The following ADTRP variants were observed in gnomAD, a reference collection of about 807,000 sequenced individuals.
The protein encoded by ADTRP is androgen-dependent TFPI-regulating protein.
Under a neutral mutation model 27.0 loss-of-function variants are expected in ADTRP, and 20 were observed. The ratio of observed to expected loss-of-function variants is 0.74; its 90% CI spans 0.52 to 1.08. The LOEUF is 1.08. Among genes scored for constraint, ADTRP ranks in the 50% least tolerant of loss-of-function variants. ADTRP has a pLI of 0.00. For synonymous variants in ADTRP, 101 were observed against 105.2 expected (o/e 0.96, Z 0.25); for missense variants, 251 against 275.0 (o/e 0.91, Z 0.62).
At chr6:11,742,674 T>C (rs2113259742) in intron 3 of ADTRP, among the ~76,000 whole-genome samples, 1 of 152,310 alleles carries the variant, frequency 6.6e-6, no homozygotes, top group Non-Finnish European at 1.5e-5. Context: ...CTCAACAGTG[T>C]CCCCATAACA....
intron 4 of ADTRP, among the ~76,000 whole-genome samples, chr6:11,729,184 C>T (rs17480539): frequency 0.05 from 7,549 of 152,150 alleles, 250 homozygotes; most frequent in Non-Finnish European, 0.052. Context: ...GCATATAATT[C>T]TTTCTTTCGG....
chr6:11,717,267 G>C, intron 5 of ADTRP: 1 of 1,300,588 alleles, frequency 7.7e-7, no homozygotes, highest in Non-Finnish European at 1.0e-6. Context: ...CTGTCAGATA[G>C]TAGCAAGGGC....
chr6:11,760,457 C>T (rs1200608141), intron 3 of ADTRP, among the ~76,000 whole-genome samples: 2 of 152,168 alleles, frequency 1.3e-5, no homozygotes, highest in Admixed American at 6.5e-5. Context: ...CCTCCTAGCT[C>T]ACTGGCACCT....
chr6:11,765,012 T>C (rs1428736489), intron 3 of ADTRP, among the ~76,000 whole-genome samples: 2 of 151,400 alleles, frequency 1.3e-5, no homozygotes, highest in South Asian at 2.1e-4. Flanking sequence ...AGGAGGAGGG[T>C]TCCTGAGAGG....
intron 3 of ADTRP, among the ~76,000 whole-genome samples, chr6:11,754,645 A>G (rs974132804): frequency 1.2e-4 from 18 of 152,238 alleles, no homozygotes; most frequent in African/African-American, 4.3e-4. Flanking sequence ...GACAAATTCA[A>G]ATTTCCAATT....
intron 1 of ADTRP, 63 bp downstream of exon 1, chr6:11,778,544 T>C (rs560842044): frequency 2.0e-6 from 3 of 1,508,670 alleles, no homozygotes; most frequent in African/African-American, 1.4e-5. Context: ...AAAGATGATA[T>C]GTGTGGCAGC....
At chr6:11,745,090 G>A (rs1762825768) in intron 3 of ADTRP, among the ~76,000 whole-genome samples, 1 of 152,130 alleles carries the variant, frequency 6.6e-6, no homozygotes, top group Admixed American at 6.5e-5. Context: ...AAAGGGATGT[G>A]CAGGCTGTTT....
At chr6:11,729,905 T>C (rs373860038) in intron 4 of ADTRP, among the ~76,000 whole-genome samples, 1 of 152,242 alleles carries the variant, frequency 6.6e-6, no homozygotes, top group South Asian at 2.1e-4. Flanking sequence ...TTTAGAATTA[T>C]CCTAATTTTT....
intron 3 of ADTRP, among the ~76,000 whole-genome samples, chr6:11,751,777 G>A (rs993640500): frequency 6.6e-6 from 1 of 152,138 alleles, no homozygotes; most frequent in African/African-American, 2.4e-5. Flanking sequence ...TAGTGTGTCC[G>A]AAAATGTCTT....
At chr6:11,766,077 G>A (rs1212283780) in intron 3 of ADTRP, among the ~76,000 whole-genome samples, 197 bp downstream of exon 3, 4 of 152,198 alleles carry the variant, frequency 2.6e-5, no homozygotes, top group African/African-American at 9.7e-5. Context: ...CATCTCCTGT[G>A]TTCTCAGTAG....
intron 3 of ADTRP, among the ~76,000 whole-genome samples, chr6:11,758,626 A>G (rs1763300587): frequency 6.8e-6 from 1 of 146,828 alleles, no homozygotes; most frequent in African/African-American, 2.5e-5. Flanking sequence ...CTAAATGACG[A>G]GTTAATGGGT....
chr6:11,737,879 T>C (rs760303167), intron 3 of ADTRP, among the ~76,000 whole-genome samples: 2 of 152,208 alleles, frequency 1.3e-5, no homozygotes, highest in Non-Finnish European at 2.9e-5. Flanking sequence ...GCACCTTGCA[T>C]ATTTCTTCAG....
chr6:11,774,992 C>T (rs1001296708), intron 1 of ADTRP, among the ~76,000 whole-genome samples: 2 of 152,196 alleles, frequency 1.3e-5, no homozygotes, highest in African/African-American at 4.8e-5. Context: ...TTCTGCATGG[C>T]TGTCTGCTGG....
At chr6:11,722,994 C>G (rs1332969230) in intron 5 of ADTRP, among the ~76,000 whole-genome samples, 3 of 152,196 alleles carry the variant, frequency 2.0e-5, no homozygotes, top group Admixed American at 6.5e-5. Flanking sequence ...GGAGCCCTCA[C>G]TTGGGTTAGG....
At chr6:11,738,176 CGGTGGGCCCAG>C (rs1437421706) in intron 3 of ADTRP, among the ~76,000 whole-genome samples, 3 of 152,114 alleles carry the variant, frequency 2.0e-5, no homozygotes, top group African/African-American at 4.8e-5. Flanking sequence ...TTCATCTCAT[CGGTGGGCCCAG>C]GGTGGGGTGC....
chr6:11,777,297 A>C (rs1476399900), intron 1 of ADTRP, among the ~76,000 whole-genome samples: 1 of 151,856 alleles, frequency 6.6e-6, no homozygotes, highest in Non-Finnish European at 1.5e-5. Context: ...CTAGTTAATG[A>C]GTGTGGTGAT....
In ADTRP at chr6:11,714,447, T is replaced by C. The variant is rs1214903264; in HGVS notation, c.*31A>G. ...ATGAGAAAAATCTCTTGTGTTTTCT[T>C]CTTTCTTGGTTCTTGGAAAATGGTG... On this transcript the variant is annotated 3_prime_UTR_variant, in exon 6 of 6. Coordinates refer to ENST00000414691, the MANE Select transcript of ADTRP (RefSeq NM_032744.4). The C allele has an allele frequency of 6.2e-7, 1 of 1,603,312 alleles. No individual in the cohort carries two copies. The highest frequency in any genetic ancestry group is 8.5e-7 in the Non-Finnish European group (1 of 1,177,154).
At chr6:11,770,967 C>T (rs1024814100) in intron 1 of ADTRP, among the ~76,000 whole-genome samples, 2 of 152,214 alleles carry the variant, frequency 1.3e-5, no homozygotes, top group Non-Finnish European at 2.9e-5. Context: ...CCTTCCCTCT[C>T]TGGGGAGAGG....
intron 3 of ADTRP, among the ~76,000 whole-genome samples, chr6:11,743,482 C>A (rs1762778883): frequency 6.6e-6 from 1 of 152,172 alleles, no homozygotes; most frequent in Non-Finnish European, 1.5e-5. Context: ...CTCCCTCAGC[C>A]CCCTTGGCCT....
Sources: allele counts gnomAD v4.1 joint callset (sites outside exome capture counted in the v4.1 genomes callset), GRCh38; gene constraint gnomAD v4.1.1; transcripts MANE v1.5; gene names NCBI Gene and HGNC (gene_info 2026-07-23, HGNC 2026-07-21).